DPP6: variants seen among roughly 807,000 people sequenced by gnomAD.
DPP6 encodes the protein dipeptidyl peptidase like 6.
DPP6 carries 69 observed loss-of-function variants against 122.6 expected under a neutral mutation model. The ratio of observed to expected loss-of-function variants is 0.56; its 90% confidence interval spans 0.46 to 0.69. DPP6 has a LOEUF of 0.69. DPP6 is among the 30% of genes least tolerant of loss of function. The pLI is 0.00. For synonymous variants in DPP6, 418 were observed against 433.1 expected (o/e 0.97, Z 0.43); for missense variants, 928 against 1,116.9 (o/e 0.83, Z 2.41).
chr7:154,635,527 T>C (rs925487148), intron 5 of DPP6, among the ~76,000 whole-genome samples: 2 of 152,248 alleles, frequency 1.3e-5, no homozygotes, highest in Non-Finnish European at 2.9e-5. Context: ...TTATCTGTTT[T>C]CTCTGGATTT....
chr7:154,544,649 A>G (rs139683578), intron 4 of DPP6, among the ~76,000 whole-genome samples: 136 of 152,296 alleles, frequency 8.9e-4, no homozygotes, highest in African/African-American at 3.0e-3. Context: ...CAGCCTTGGC[A>G]TTGTGCTCTG....
chr7:153,975,032 T>TC (rs761280646), intron 1 of DPP6, among the ~76,000 whole-genome samples: 14 of 152,306 alleles, frequency 9.2e-5, no homozygotes, highest in Non-Finnish European at 2.1e-4. Context: ...CCAATTCAAT[T>TC]AATTCAATGT....
chr7:154,088,288 C>A (rs141228121), intron 1 of DPP6, among the ~76,000 whole-genome samples: 50,434 of 148,104 alleles, frequency 0.34, 10,673 homozygotes, highest in East Asian at 0.5. Context: ...AGCTGCATTC[C>A]ATTCTGGCCC....
the DPP6 span, among the ~76,000 whole-genome samples, chr7:153,787,193 A>G: frequency 3.7e-5 from 5 of 134,970 alleles, no homozygotes; most frequent in Admixed American, 1.5e-4. Flanking sequence ...CTCGTGATCC[A>G]CCCGCCTCGG....
intron 10 of DPP6, among the ~76,000 whole-genome samples, chr7:154,777,401 C>G (rs1339835163): frequency 6.6e-6 from 1 of 152,148 alleles, no homozygotes; most frequent in Non-Finnish European, 1.5e-5. Context: ...CAGAGTAGAG[C>G]TCAGCCTTCC....
intron 1 of DPP6, among the ~76,000 whole-genome samples, chr7:154,216,621 G>C (rs147786841): frequency 2.6e-5 from 4 of 152,060 alleles, no homozygotes; most frequent in Non-Finnish European, 2.9e-5. Context: ...CTTCTAAAAG[G>C]CTCCCTTTCA....
chr7:154,061,230 G>A (rs567518324), intron 1 of DPP6, among the ~76,000 whole-genome samples: 510 of 148,982 alleles, frequency 3.4e-3, no homozygotes, highest in Middle Eastern at 7.0e-3. Context: ...CAAAGGGGGC[G>A]GGGACCCGGA....
intron 3 of DPP6, among the ~76,000 whole-genome samples, chr7:154,488,669 C>A (rs1299701486): frequency 1.3e-5 from 2 of 151,558 alleles, no homozygotes; most frequent in African/African-American, 4.9e-5. Context: ...CTTAGCATCC[C>A]GTGAAAGACA....
At chr7:154,513,385 C>T (rs1826233383) in intron 3 of DPP6, among the ~76,000 whole-genome samples, 1 of 152,178 alleles carries the variant, frequency 6.6e-6, no homozygotes, top group African/African-American at 2.4e-5. Context: ...AAACTTTCCT[C>T]TTGGAATTAG....
chr7:154,758,139 T>C (rs888077413), intron 8 of DPP6, among the ~76,000 whole-genome samples: 1 of 152,238 alleles, frequency 6.6e-6, no homozygotes, highest in Non-Finnish European at 1.5e-5. Flanking sequence ...GAACTGTAGT[T>C]GGCAGTTACT....
intron 7 of DPP6, among the ~76,000 whole-genome samples, chr7:154,688,254 G>A (rs1402564046): frequency 1.3e-5 from 2 of 152,152 alleles, no homozygotes; most frequent in African/African-American, 2.4e-5. Context: ...ACTGCATTAA[G>A]TCTATATACC....
chr7:154,770,136 A>G (rs529997972), intron 9 of DPP6, among the ~76,000 whole-genome samples: 1 of 152,244 alleles, frequency 6.6e-6, no homozygotes, highest in South Asian at 2.1e-4. Context: ...GTATTTGTCT[A>G]TTTTCATGCT....
At chr7:153,934,509 A>C (rs1479393803) in intron 1 of DPP6, among the ~76,000 whole-genome samples, 1 of 152,142 alleles carries the variant, frequency 6.6e-6, no homozygotes. Context: ...TATAAGCATA[A>C]CTTCTGGAAG....
At chr7:154,157,669 C>A (rs1796753284) in intron 1 of DPP6, among the ~76,000 whole-genome samples, 1 of 152,108 alleles carries the variant, frequency 6.6e-6, no homozygotes, top group African/African-American at 2.4e-5. Context: ...TACGGTGGCT[C>A]ATGCCTGTAA....
At position 154,148,079 on chromosome 7, in the gene DPP6, T is replaced by C. The variant is rs1350592394; in HGVS notation, c.243+95016T>C. Among the ~76,000 whole-genome samples the C allele has an allele frequency of 3.4e-5, 5 of 148,606 alleles. 1 individual carries two copies. Among genetic ancestry groups the C allele is most frequent in the Admixed American group, 1.3e-4 (2 of 15,162 alleles). ...AGAGCGGACCGTGAAGGTGTCCTGG[T>C]AGCTGAGGTCCTATGGCCGCTCATG... is the stretch of plus-strand genomic sequence containing the variant. On this transcript the variant is annotated intron_variant, in intron 1 of 25. Coordinates refer to ENST00000377770, the MANE Select transcript of DPP6 (RefSeq NM_130797.4).
At chr7:154,640,564 CAG>C (rs1455846817) in intron 6 of DPP6, among the ~76,000 whole-genome samples, 2 of 152,148 alleles carry the variant, frequency 1.3e-5, no homozygotes, top group Non-Finnish European at 2.9e-5. Context: ...CAAATATTGT[CAG>C]AGTCTTATTT....
chr7:154,343,927 G>A (rs1044648800), intron 1 of DPP6, among the ~76,000 whole-genome samples: 1 of 152,194 alleles, frequency 6.6e-6, no homozygotes, highest in Non-Finnish European at 1.5e-5. Flanking sequence ...TGTTGGCCAG[G>A]CTGGTATCGA....
chr7:154,776,758 C>A (rs1439382180), intron 10 of DPP6, among the ~76,000 whole-genome samples: 1 of 152,156 alleles, frequency 6.6e-6, no homozygotes, highest in African/African-American at 2.4e-5. Flanking sequence ...GCTATTTAGC[C>A]ATGGATGACA....
At chr7:153,914,198 T>A (rs1039729941) in intron 1 of DPP6, among the ~76,000 whole-genome samples, 11 of 152,222 alleles carry the variant, frequency 7.2e-5, no homozygotes, top group African/African-American at 2.7e-4. Context: ...AGAGTTTCCC[T>A]GCACAAGTTC....
Sources: gnomAD v4.1 joint callset for allele counts (sites outside exome capture counted in the v4.1 genomes callset) on GRCh38, gnomAD v4.1.1 for gene constraint, MANE v1.5 for transcripts, NCBI Gene and HGNC (gene_info 2026-07-23, HGNC 2026-07-21) for gene names.